The following EXOC4 variants were observed in gnomAD, a reference collection of about 807,000 sequenced individuals.
The protein encoded by EXOC4 is exocyst complex component 4, also known as SEC8-like 1.
EXOC4 carries 71 observed loss-of-function variants against 107.2 expected under a neutral mutation model. That is an observed-to-expected ratio of 0.66 (90% confidence interval 0.55 to 0.81). EXOC4 has a LOEUF of 0.81. Ranked by LOEUF, EXOC4 falls within the 30% of genes least tolerant of loss-of-function variation. EXOC4 has a pLI of 0.00. For synonymous variants in EXOC4, 456 were observed against 441.2 expected, an observed-to-expected ratio of 1.03 and a Z score of -0.42; for missense variants, 1,108 against 1,189.6, an observed-to-expected ratio of 0.93 and a Z score of 1.01.
At chr7:133,320,871 A>G (rs1584808585) in intron 5 of EXOC4, among the ~76,000 whole-genome samples, 2 of 152,354 alleles carry the variant, frequency 1.3e-5, no homozygotes, top group African/African-American at 4.8e-5. Context: ...TACATATAAA[A>G]GTATGGGGCT....
At chr7:133,326,557 G>A (rs985389744) in intron 5 of EXOC4, among the ~76,000 whole-genome samples, 15 of 152,160 alleles carry the variant, frequency 9.9e-5, no homozygotes, top group Non-Finnish European at 2.1e-4. Flanking sequence ...CTGACTGATC[G>A]TTCCTCTGGA....
chr7:133,433,972 T>C (rs1437066970), intron 7 of EXOC4, among the ~76,000 whole-genome samples: 1 of 152,218 alleles, frequency 6.6e-6, no homozygotes, highest in Non-Finnish European at 1.5e-5. Flanking sequence ...CAAAGGGCAG[T>C]GAATACACAA....
intron 12 of EXOC4, among the ~76,000 whole-genome samples, chr7:133,902,347 AC>A (rs1290383496): frequency 6.6e-6 from 1 of 152,208 alleles, no homozygotes; most frequent in Admixed American, 6.5e-5. Context: ...ATAACCATTA[AC>A]AAACACAGTG....
chr7:133,646,603 G>T (rs1375831230), intron 10 of EXOC4, among the ~76,000 whole-genome samples: 1 of 152,096 alleles, frequency 6.6e-6, no homozygotes, highest in Non-Finnish European at 1.5e-5. Flanking sequence ...ACTTACTTGG[G>T]AGTTTGATGA....
intron 7 of EXOC4, among the ~76,000 whole-genome samples, chr7:133,467,453 CA>C (rs1385404263): frequency 5.3e-5 from 8 of 152,070 alleles, no homozygotes; most frequent in African/African-American, 1.7e-4. Context: ...TCCTTCCAGT[CA>C]ATAATTTTGT....
At chr7:133,870,061 GATAAGTACTTT>G (rs773132025) in intron 11 of EXOC4, among the ~76,000 whole-genome samples, 4 of 152,170 alleles carry the variant, frequency 2.6e-5, no homozygotes, top group Non-Finnish European at 5.9e-5. Context: ...GCAAGTGTTT[GATAAGTACTTT>G]ATAAGTAAAA....
At chr7:134,017,174 CA>C (rs537652927) in intron 17 of EXOC4, among the ~76,000 whole-genome samples, 119 of 152,118 alleles carry the variant, frequency 7.8e-4, no homozygotes, top group Admixed American at 1.9e-3. Context: ...ATCCTTTTCC[CA>C]AGATTTGCCT....
chr7:133,370,254 G>T (rs919911859), intron 6 of EXOC4, among the ~76,000 whole-genome samples: 1 of 151,184 alleles, frequency 6.6e-6, no homozygotes. Context: ...AGGTCCTTAC[G>T]AAATGTGCCC....
chr7:133,680,765 C>T (rs765011666), intron 10 of EXOC4, among the ~76,000 whole-genome samples: 3 of 152,198 alleles, frequency 2.0e-5, no homozygotes, highest in Non-Finnish European at 4.4e-5. Context: ...ACTTTTCCCA[C>T]TTTAAATACA....
chr7:133,639,851 A>G lies in EXOC4; in HGVS notation c.1514+9710A>G, dbSNP rs1057063888. Among the ~76,000 whole-genome samples the G allele has an allele frequency of 5.1e-4, 77 of 152,132 alleles. 3 individuals are homozygous for G. The highest frequency in any genetic ancestry group is 7.4e-5 in the Non-Finnish European group (5 of 68,000). ...TCAAAGTCCATTTCTGTAAAATACC[A>G]CATTGTAAATACATGAGAAAGTATT... On this transcript the variant is annotated intron_variant, in intron 10 of 17. Coordinates refer to ENST00000253861, the MANE Select transcript of EXOC4 (RefSeq NM_021807.4).
At chr7:133,692,719 G>A (rs1056635205) in intron 10 of EXOC4, among the ~76,000 whole-genome samples, 10 of 152,168 alleles carry the variant, frequency 6.6e-5, no homozygotes, top group African/African-American at 2.4e-4. Flanking sequence ...GTGTCCAGTA[G>A]CAATACGTAT....
chr7:133,260,718 C>G (rs185547869), intron 1 of EXOC4, among the ~76,000 whole-genome samples: 3 of 152,248 alleles, frequency 2.0e-5, no homozygotes, highest in African/African-American at 7.2e-5. Flanking sequence ...GAATTGACAT[C>G]TTAATATTGA....
chr7:133,305,233 C>T (rs1054141583), intron 3 of EXOC4, among the ~76,000 whole-genome samples: 14 of 152,096 alleles, frequency 9.2e-5, no homozygotes, highest in Admixed American at 1.3e-4. Context: ...CACTTTGCAC[C>T]GGGAGTATCT....
intron 5 of EXOC4, among the ~76,000 whole-genome samples, chr7:133,319,440 C>T (rs965452126): frequency 6.6e-5 from 10 of 152,166 alleles, no homozygotes; most frequent in African/African-American, 2.4e-4. Context: ...TTGACTGGGG[C>T]TAGGAGCATT....
At chr7:133,363,397 A>G (rs1584853678) in intron 6 of EXOC4, among the ~76,000 whole-genome samples, 2 of 152,322 alleles carry the variant, frequency 1.3e-5, no homozygotes, top group East Asian at 3.9e-4. Context: ...ACTTAAATAA[A>G]TTAATGGATA....
Position 133,374,587 on chromosome 7 carries a change from A to G in EXOC4, c.1008-241A>G, listed in dbSNP as rs554684390. 6.6e-6 allele frequency among the ~76,000 whole-genome samples: 1 copy of G among 152,330 alleles called. No individual in the cohort carries two copies. Among genetic ancestry groups the G allele is most frequent in the South Asian group, 2.1e-4 (1 of 4,828 alleles). The stretch of plus-strand genomic sequence containing the variant: ...CTATTGCTGGTTTAGGGGCTTTACA[A>G]TTGCTTTTAAAATTCTTACATCATT... On this transcript the variant is annotated intron_variant, in intron 6 of 17. Coordinates refer to ENST00000253861, the MANE Select transcript of EXOC4 (RefSeq NM_021807.4).
At chr7:133,882,493 C>T (rs1054589677) in intron 11 of EXOC4, among the ~76,000 whole-genome samples, 1 of 152,190 alleles carries the variant, frequency 6.6e-6, no homozygotes, top group African/African-American at 2.4e-5. Context: ...TGGAATCTCA[C>T]AGACCACTGG....
At chr7:133,556,309 C>G (rs1412256200) in intron 9 of EXOC4, among the ~76,000 whole-genome samples, 1 of 152,172 alleles carries the variant, frequency 6.6e-6, no homozygotes, top group African/African-American at 2.4e-5. Context: ...TGGCTGTTTC[C>G]TGTCCTGATT....
At chr7:133,790,617 C>T (rs1391279836) in intron 10 of EXOC4, among the ~76,000 whole-genome samples, 1 of 152,226 alleles carries the variant, frequency 6.6e-6, no homozygotes, top group Admixed American at 6.5e-5. Flanking sequence ...TAGGCAAATT[C>T]GTCATATAAT....
Sources: allele counts gnomAD v4.1 joint callset (sites outside exome capture counted in the v4.1 genomes callset), GRCh38; gene constraint gnomAD v4.1.1; transcripts MANE v1.5; gene names NCBI Gene and HGNC (gene_info 2026-07-23, HGNC 2026-07-21).